Variants in APBA1 observed in about 807,000 individuals in gnomAD.
APBA1 encodes the protein amyloid-beta A4 precursor protein-binding family A member 1.
APBA1 carries 55 observed loss-of-function variants against 86.6 expected under a neutral mutation model. The ratio of observed to expected loss-of-function variants is 0.64; its 90% confidence interval spans 0.51 to 0.80. APBA1 has a LOEUF of 0.80. APBA1 is among the 30% of genes least tolerant of loss of function. APBA1 has a pLI of 0.00. For missense variants in APBA1, 1,090 were observed against 1,183.0 expected, an observed-to-expected ratio of 0.92 and a Z score of 1.15; for synonymous variants, 511 against 493.9, an observed-to-expected ratio of 1.03 and a Z score of -0.46.
At chr9:69,515,532 G>A (rs1464797709) in intron 2 of APBA1, among the ~76,000 whole-genome samples, 2 of 151,906 alleles carry the variant, frequency 1.3e-5, no homozygotes, top group East Asian at 1.9e-4. Context: ...TTCTCATATG[G>A]CAACAGTCCT....
At chr9:69,544,751 G>T (rs1034619699) in intron 1 of APBA1, among the ~76,000 whole-genome samples, 28 of 152,156 alleles carry the variant, frequency 1.8e-4, no homozygotes, top group African/African-American at 6.8e-4. Flanking sequence ...CAACACATAT[G>T]CTCAAAATAT....
chr9:69,620,705 G>A (rs886317414), intron 1 of APBA1, among the ~76,000 whole-genome samples: 5 of 152,166 alleles, frequency 3.3e-5, no homozygotes, highest in African/African-American at 7.2e-5. Flanking sequence ...CTGAGAGACA[G>A]AGTGCCACCT....
chr9:69,466,135 C>G (rs1342236490), intron 5 of APBA1, among the ~76,000 whole-genome samples: 2 of 152,076 alleles, frequency 1.3e-5, no homozygotes, highest in Non-Finnish European at 2.9e-5. Flanking sequence ...GGGGGAGAAG[C>G]ATTTTCTCCA....
At chr9:69,618,870 GC>G (rs1822760250) in intron 1 of APBA1, among the ~76,000 whole-genome samples, 1 of 152,186 alleles carries the variant, frequency 6.6e-6, no homozygotes, top group Non-Finnish European at 1.5e-5. Context: ...TCGTAACCCT[GC>G]CCCCTACTAG....
chr9:69,653,018 A>AAC (rs1823537692), intron 1 of APBA1, among the ~76,000 whole-genome samples: 1 of 151,568 alleles, frequency 6.6e-6, no homozygotes, highest in Non-Finnish European at 1.5e-5. Flanking sequence ...AACAAGCAAA[A>AAC]AAAAAACAAA....
At chr9:69,594,011 C>A (rs544187104) in intron 1 of APBA1, among the ~76,000 whole-genome samples, 18 of 152,194 alleles carry the variant, frequency 1.2e-4, no homozygotes, top group Admixed American at 1.0e-3. Context: ...GATCTTCTGG[C>A]GTTAGATTCC....
chr9:69,607,700 G>T (rs1485070592), intron 1 of APBA1, among the ~76,000 whole-genome samples: 2 of 152,152 alleles, frequency 1.3e-5, no homozygotes, highest in African/African-American at 4.8e-5. Flanking sequence ...ATATTAATGG[G>T]CAAAAACCAG....
At chr9:69,525,317 T>C (rs561675549) in intron 1 of APBA1, among the ~76,000 whole-genome samples, 19 of 152,216 alleles carry the variant, frequency 1.2e-4, no homozygotes, top group Admixed American at 8.5e-4. Flanking sequence ...AATGTGATTC[T>C]ATATCTAAAA....
At chr9:69,514,802 T>G (rs1342383223) in intron 2 of APBA1, among the ~76,000 whole-genome samples, 1 of 150,318 alleles carries the variant, frequency 6.7e-6, no homozygotes, top group African/African-American at 2.5e-5. Context: ...CCCAGCTACT[T>G]GGGAGACTGA....
At chr9:69,473,758 A>G (rs1454706354) in intron 3 of APBA1, among the ~76,000 whole-genome samples, 1 of 152,234 alleles carries the variant, frequency 6.6e-6, no homozygotes, top group East Asian at 1.9e-4. Context: ...CTTTAAAAAA[A>G]AAGCTGCAAC....
At chr9:69,611,763 T>G (rs559667798) in intron 1 of APBA1, among the ~76,000 whole-genome samples, 1 of 152,332 alleles carries the variant, frequency 6.6e-6, no homozygotes, top group South Asian at 2.1e-4. Flanking sequence ...GGTATGTGCA[T>G]TGTGTGTTCA....
intron 1 of APBA1, among the ~76,000 whole-genome samples, chr9:69,661,680 A>T (rs1488291642): frequency 6.6e-6 from 1 of 152,138 alleles, no homozygotes; most frequent in African/African-American, 2.4e-5. Flanking sequence ...ATGGGGGGTG[A>T]ATCTCTTATG....
chr9:69,452,420 C>T lies in APBA1; in HGVS notation c.1789-119G>A, dbSNP rs868384576. The T allele has an allele frequency of 3.2e-5, 31 of 957,728 alleles. 1 individual carries two copies. Among genetic ancestry groups the T allele is most frequent in the Middle Eastern group, 3.4e-4 (1 of 2,978 alleles). The allele number at this position is 957,728 out of a possible 1,614,324, so 59.3% of individuals were successfully genotyped here. ...GAGTCTGAGGAAACCCTAGACATCA[C>T]GCCTGCTGGGCCAGTGGTTCTACGT... On this transcript the variant is annotated intron_variant, in intron 8 of 12. Transcript: ENST00000265381.
intron 2 of APBA1, among the ~76,000 whole-genome samples, chr9:69,511,843 T>G (rs1202151944): frequency 2.0e-5 from 3 of 151,596 alleles, no homozygotes; most frequent in Middle Eastern, 3.4e-3. Flanking sequence ...AAACACCGCA[T>G]ATTCTCACTC....
chr9:69,603,607 A>G (rs1038308710), intron 1 of APBA1, among the ~76,000 whole-genome samples: 12 of 152,260 alleles, frequency 7.9e-5, no homozygotes, highest in South Asian at 2.1e-4. Flanking sequence ...AAATTCAAAC[A>G]TAGGTCTACA....
intron 1 of APBA1, among the ~76,000 whole-genome samples, chr9:69,636,929 A>C (rs568502576): frequency 1.6e-4 from 21 of 132,272 alleles, no homozygotes; most frequent in Non-Finnish European, 1.8e-4. Flanking sequence ...GAAGGAAAGA[A>C]AGAAAGAAAG....
In APBA1 at chr9:69,429,894, C is replaced by T. The variant is rs1834558826; in HGVS notation, c.*1433G>A. The T allele has an allele frequency of 6.6e-6, 1 of 152,114 alleles. No individual in the cohort carries two copies. Among genetic ancestry groups the T allele is most frequent in the Non-Finnish European group, 1.5e-5 (1 of 68,044 alleles). 9.4% of individuals were successfully genotyped at this position (152,114 alleles called of 1,614,324 possible). On this transcript the variant is annotated 3_prime_UTR_variant, in exon 13 of 13. Coordinates refer to ENST00000265381, the MANE Select transcript of APBA1 (RefSeq NM_001163.4). The stretch of plus-strand genomic sequence containing the variant: ...ACAAAACAAAAGCAAAGCCAAATCA[C>T]ACCTCACATGAACACAAAATGCTCT...
At chr9:69,510,322 T>C (rs953340254) in intron 2 of APBA1, among the ~76,000 whole-genome samples, 4 of 151,756 alleles carry the variant, frequency 2.6e-5, no homozygotes, top group East Asian at 1.9e-4. Context: ...CCATTCACAA[T>C]TGCTTCACAG....
intron 8 of APBA1, 22 bp downstream of exon 8, chr9:69,456,225 G>A (rs1835093693): frequency 6.2e-7 from 1 of 1,613,804 alleles, no homozygotes; most frequent in African/African-American, 1.3e-5. Flanking sequence ...CCCAAAAGGA[G>A]ATCAAAGGAA....
Sources: gnomAD v4.1 joint callset for allele counts (sites outside exome capture counted in the v4.1 genomes callset) on GRCh38, gnomAD v4.1.1 for gene constraint, MANE v1.5 for transcripts, NCBI Gene and HGNC (gene_info 2026-07-23, HGNC 2026-07-21) for gene names.